The following MPP4 variants were observed in gnomAD, a reference collection of about 807,000 sequenced individuals.
The protein encoded by MPP4 is MAGUK p55 scaffold protein 4.
A neutral mutation model predicts 98.3 loss-of-function variants in MPP4; 91 were observed. The ratio of observed to expected loss-of-function variants is 0.93; its 90% CI spans 0.78 to 1.10. The LOEUF (loss-of-function observed/expected upper bound fraction) is 1.10, where lower values mean the gene tolerates loss of function less well. Ranked by LOEUF, MPP4 falls within the 50% of genes least tolerant of loss-of-function variation. The pLI, the probability that MPP4 is intolerant of heterozygous loss-of-function variation, is 0.00. For synonymous variants in MPP4, 261 were observed against 271.8 expected (o/e 0.96, Z 0.39); for missense variants, 744 against 792.9 (o/e 0.94, Z 0.74).
chr2:201,650,790 G>A lies in MPP4; in HGVS notation c.1382-625C>T, dbSNP rs967674461. ...TGACCAGATGCATTAATACCCAACC[G>A]AGTGGTGATTCGTTTTAGGGATCTC... On this transcript the variant is annotated intron_variant, in intron 18 of 21. Coordinates refer to ENST00000409474, the MANE Select transcript of MPP4 (RefSeq NM_033066.3). 9.1e-6 allele frequency: 9 copies of A among 985,222 alleles called. No individual in the cohort carries two copies. The South Asian group carries it at 1.9e-4, about 21-fold the overall frequency. The allele number at this position is 985,222 out of a possible 1,614,324, so 61.0% of individuals were successfully genotyped here. A position where few individuals can be genotyped will look rare whatever the true frequency, so the allele number is the denominator to read the frequency against.
chr2:201,680,948 C>T lies in MPP4; in HGVS notation c.819G>A (p.Gly273=). The T allele has an allele frequency of 1.2e-6, 2 of 1,613,864 alleles. No individual in the cohort carries two copies. Among genetic ancestry groups the T allele is most frequent in the Non-Finnish European group, 1.7e-6 (2 of 1,179,856 alleles). The stretch of plus-strand genomic sequence containing the variant: ...TCTGGTCCACAATCTGGAGGATGTC[C>T]CCCTTCTGGAAAGGCAATCCAGCGT... The part of the protein sequence containing the change: ...CMDAGLPFQK[G]DILQIVDQND... The change falls in exon 10 of 22, where the codon GGG becomes GGA. Residue 273 remains glycine, a synonymous_variant. Coordinates refer to ENST00000409474, the MANE Select transcript of MPP4 (RefSeq NM_033066.3).
intron 18 of MPP4, among the ~76,000 whole-genome samples, 183 bp downstream of exon 18, chr2:201,654,654 G>T (rs1448076024): frequency 6.6e-6 from 1 of 152,024 alleles, no homozygotes; most frequent in Non-Finnish European, 1.5e-5. Flanking sequence ...CCTTTTAAAA[G>T]CCAGCTGCCT....
intron 15 of MPP4, among the ~76,000 whole-genome samples, chr2:201,658,948 G>A (rs1470253355): frequency 2.0e-5 from 3 of 152,136 alleles, no homozygotes; most frequent in Admixed American, 6.5e-5. Context: ...TCACTCTGGA[G>A]TGCAATGGCA....
intron 11 of MPP4, among the ~76,000 whole-genome samples, chr2:201,670,955 G>T (rs1448406116): frequency 2.0e-5 from 3 of 152,192 alleles, no homozygotes; most frequent in African/African-American, 7.2e-5. Flanking sequence ...AAGTGAAAGG[G>T]GTCGGGGAAC....
rs1687810469 is a variant in MPP4 at position 201,654,838 on chromosome 2, T to A, written c.1380A>T (p.Pro460=). 1 of 1,598,100 alleles carries A rather than the reference T, an allele frequency of 6.3e-7. No homozygotes were observed. Among genetic ancestry groups the A allele is most frequent in the Admixed American group, 1.7e-5 (1 of 57,668 alleles). Residue 460 remains proline (P), a splice_region_variant and synonymous_variant, in exon 18 of 22, where the codon CCA becomes CCT. Transcript: ENST00000409474. The part of the protein sequence containing the change: ...FNPSHFQSAV[P]HTTRTKKSYE... The stretch of plus-strand genomic sequence containing the variant: ...TTATGAAAGCAGAACTAAACATACG[T>A]GGCACAGCACTTTGAAAATGGCTGG...
intron 7 of MPP4, among the ~76,000 whole-genome samples, 175 bp downstream of exon 7, chr2:201,684,889 A>G (rs1223193504): frequency 1.3e-5 from 2 of 150,584 alleles, no homozygotes; most frequent in Non-Finnish European, 3.0e-5. Context: ...TGGAGCTTGC[A>G]GTGAGCCGAG....
intron 13 of MPP4, among the ~76,000 whole-genome samples, chr2:201,664,690 A>G (rs1688122369): frequency 6.6e-6 from 1 of 152,242 alleles, no homozygotes; most frequent in African/African-American, 2.4e-5. Flanking sequence ...GTAATTTGAA[A>G]TACATGGCAA....
chr2:201,695,557 T>A (rs1220796723), intron 1 of MPP4, among the ~76,000 whole-genome samples: 1 of 152,176 alleles, frequency 6.6e-6, no homozygotes, highest in African/African-American at 2.4e-5. Flanking sequence ...TAGGTTGTCA[T>A]CAAGAAGTAA....
chr2:201,656,206 A>G lies in MPP4; in HGVS notation c.1292T>C (p.Val431Ala), dbSNP rs532025784. 1.6e-5 allele frequency: 26 copies of G among 1,603,534 alleles called. No individual in the cohort carries two copies. Among genetic ancestry groups the G allele is most frequent in the Non-Finnish European group, 2.1e-5 (25 of 1,175,090 alleles). ...TGCATGCTGGGACATACCCATGAGC[A>G]CTATGAGGCGGTACTTGTCTGAAGG... ...RRPSDKYRLI[V>A]LMGPSGVGVN... Residue 431 changes from valine (V) to alanine (A), a missense_variant, in exon 17 of 22, where the codon GTG becomes GCG. Transcript: ENST00000409474.
At chr2:201,665,879 TA>T (rs1389115502) in intron 13 of MPP4, 1 of 152,234 alleles carries the variant, frequency 6.6e-6, no homozygotes, top group African/African-American at 2.4e-5. Flanking sequence ...AGTAGAAATG[TA>T]AAAAACTTTC....
chr2:201,657,598 T>TG (rs1559005115), intron 16 of MPP4, among the ~76,000 whole-genome samples: 3 of 117,146 alleles, frequency 2.6e-5, no homozygotes, highest in Non-Finnish European at 5.3e-5. Context: ...TTGTTTTTTT[T>TG]TTGTTTTTTT....
chr2:201,687,767 G>A (rs561927007), intron 4 of MPP4, among the ~76,000 whole-genome samples: 26 of 152,268 alleles, frequency 1.7e-4, no homozygotes, highest in African/African-American at 5.3e-4. Context: ...CTCTAGGAAC[G>A]TACCTGGGGA....
chr2:201,693,193 T>A (rs570611431), intron 2 of MPP4, among the ~76,000 whole-genome samples, 164 bp from the exon 3 acceptor site: 19 of 152,364 alleles, frequency 1.2e-4, no homozygotes, highest in African/African-American at 4.3e-4. Flanking sequence ...TCTTACTTTG[T>A]GAACGTCACA....
intron 10 of MPP4, 128 bp from the exon 11 acceptor site, chr2:201,675,399 A>T: frequency 1.1e-6 from 1 of 903,354 alleles, no homozygotes. Flanking sequence ...CACTCAAGTG[A>T]AAAGGGTGAT....
At chr2:201,662,500 CAAA>C (rs57262157) in intron 14 of MPP4, among the ~76,000 whole-genome samples, 1 of 75,294 alleles carries the variant, frequency 1.3e-5, no homozygotes, top group African/African-American at 5.6e-5. Context: ...GACTCTGTCT[CAAA>C]AAAAAAAAAA....
intron 10 of MPP4, among the ~76,000 whole-genome samples, chr2:201,677,384 G>T (rs1244637171): frequency 6.6e-6 from 1 of 152,092 alleles, no homozygotes; most frequent in Non-Finnish European, 1.5e-5. Context: ...CCCCCAATTT[G>T]CAATAGAGTC....
At chr2:201,698,546 C>T (rs746521703) in intron 1 of MPP4, 41 bp downstream of exon 1, 19 of 1,297,168 alleles carry the variant, frequency 1.5e-5, no homozygotes, top group South Asian at 3.7e-5. Flanking sequence ...GTTATGGATA[C>T]ATCTTCTGGT....
chr2:201,656,989 A>G (rs1433776189), intron 16 of MPP4, among the ~76,000 whole-genome samples: 12 of 152,234 alleles, frequency 7.9e-5, no homozygotes, highest in Admixed American at 7.8e-4. Flanking sequence ...GAGCCAGATC[A>G]CACAGGGCCT....
intron 11 of MPP4, among the ~76,000 whole-genome samples, chr2:201,674,121 C>A (rs765995344): frequency 6.6e-6 from 1 of 152,212 alleles, no homozygotes; most frequent in Non-Finnish European, 1.5e-5. Flanking sequence ...TCACCAAAGG[C>A]ATACACAATT....
Sources: gnomAD v4.1 joint callset for allele counts (sites outside exome capture counted in the v4.1 genomes callset) on GRCh38, gnomAD v4.1.1 for gene constraint, MANE v1.5 for transcripts, NCBI Gene and HGNC (gene_info 2026-07-23, HGNC 2026-07-21) for gene names.